ADAMTSL1: variants seen among roughly 807,000 people sequenced by gnomAD.
ADAMTSL1 encodes ADAMTS-like protein 1.
ADAMTSL1 carries 126 observed loss-of-function variants against 201.8 expected under a neutral mutation model. The ratio of observed to expected loss-of-function variants is 0.62; its 90% CI spans 0.54 to 0.72. The LOEUF (loss-of-function observed/expected upper bound fraction) is 0.72. Ranked by LOEUF, ADAMTSL1 falls within the 30% of genes least tolerant of loss-of-function variation. The pLI is 0.00. For missense variants in ADAMTSL1, 2,679 were observed against 2,277.8 expected, an observed-to-expected ratio of 1.18 and a Z score of -3.59; for synonymous variants, 1,121 against 903.4, an observed-to-expected ratio of 1.24 and a Z score of -4.32.
intron 2 of ADAMTSL1, among the ~76,000 whole-genome samples, chr9:18,397,740 AAC>A: frequency 6.6e-6 from 1 of 152,316 alleles, no homozygotes; most frequent in East Asian, 1.9e-4. Context: ...AAATCAATGA[AAC>A]ACACTAATTT....
chr9:18,091,468 T>C (rs1186712541), intron 1 of ADAMTSL1, among the ~76,000 whole-genome samples: 2 of 152,114 alleles, frequency 1.3e-5, no homozygotes, highest in Non-Finnish European at 2.9e-5. Flanking sequence ...TGAATGTGGA[T>C]TTAATTTCCC....
intron 2 of ADAMTSL1, among the ~76,000 whole-genome samples, chr9:18,326,088 A>G (rs975519170): frequency 1.4e-4 from 21 of 152,160 alleles, no homozygotes; most frequent in Admixed American, 5.9e-4. Flanking sequence ...CTCATGGCCT[A>G]ATGACCTTGT....
Position 18,504,836 on chromosome 9 carries a change from G to T in ADAMTSL1, c.71G>T (p.Arg24Met), listed in dbSNP as rs1823032638. ...TTCTTTTGTTTCTCACAGAGTTCCA[G>T]GACCGCACGCTCCGAGGAGGACCGG... Reference protein sequence around the residue: ...LFLAFLLLSSRTARSEEDRDG... With the variant: ...LFLAFLLLSSMTARSEEDRDG... Residue 24 changes from arginine (R) to methionine (M), a missense_variant, in exon 2 of 29, where the codon AGG becomes ATG. Coordinates refer to ENST00000380548, the MANE Select transcript of ADAMTSL1 (RefSeq NM_001040272.6). 1 of 1,614,202 alleles carries T rather than the reference G, an allele frequency of 6.2e-7. No homozygotes were observed. The highest frequency in any genetic ancestry group is 2.2e-5 in the East Asian group (1 of 44,884).
intron 2 of ADAMTSL1, among the ~76,000 whole-genome samples, chr9:18,378,607 C>G (rs1837411878): frequency 6.6e-6 from 1 of 152,168 alleles, no homozygotes; most frequent in South Asian, 2.1e-4. Context: ...ACACCTCACC[C>G]TCTTCAGAAC....
chr9:17,961,457 G>A (rs1271542146), intron 1 of ADAMTSL1, among the ~76,000 whole-genome samples: 1 of 151,938 alleles, frequency 6.6e-6, no homozygotes, highest in African/African-American at 2.4e-5. Flanking sequence ...CTCCATGTTG[G>A]TCAGGCTGGT....
intron 1 of ADAMTSL1, among the ~76,000 whole-genome samples, chr9:17,927,475 A>G (rs1434704850): frequency 6.6e-6 from 1 of 151,458 alleles, no homozygotes; most frequent in Non-Finnish European, 1.5e-5. Context: ...GGAATATTTT[A>G]TATAAATGTA....
Position 18,648,067 on chromosome 9 carries a change from G to T in ADAMTSL1, c.834+8656G>T, listed in dbSNP as rs558627080. On this transcript the variant is annotated intron_variant, in intron 7 of 28. Transcript: ENST00000380548. ...CAGGACTTGCTTTATGAATCTGGGT[G>T]CTCCTGTATTGGGTGCATATATATT... Among the ~76,000 whole-genome samples, 283 of 147,634 alleles carry T rather than the reference G, an allele frequency of 1.9e-3. 3 individuals are homozygous for T. Among genetic ancestry groups the T allele is most frequent in the African/African-American group, 6.6e-3 (266 of 40,486 alleles).
intron 2 of ADAMTSL1, among the ~76,000 whole-genome samples, chr9:18,226,720 A>G (rs188565915): frequency 6.6e-6 from 1 of 152,188 alleles, no homozygotes; most frequent in East Asian, 1.9e-4. Context: ...CCATTTGGTC[A>G]TGGGGCCAGT....
At chr9:18,210,478 TATAA>T (rs1182016035) in intron 2 of ADAMTSL1, among the ~76,000 whole-genome samples, 3 of 147,182 alleles carry the variant, frequency 2.0e-5, no homozygotes, top group East Asian at 3.9e-4. Flanking sequence ...ATATATGATA[TATAA>T]ATAAATATAT....
intron 2 of ADAMTSL1, among the ~76,000 whole-genome samples, chr9:18,236,126 A>C (rs1830838499): frequency 6.6e-6 from 1 of 152,196 alleles, no homozygotes; most frequent in Non-Finnish European, 1.5e-5. Context: ...GCTGGAGTGC[A>C]GTGGCACAAT....
chr9:18,099,757 C>A (rs1824436057), intron 1 of ADAMTSL1, among the ~76,000 whole-genome samples: 1 of 151,304 alleles, frequency 6.6e-6, no homozygotes, highest in East Asian at 1.9e-4. Context: ...CTTGCCTCAG[C>A]CTCCCACTAC....
intron 3 of ADAMTSL1, among the ~76,000 whole-genome samples, chr9:18,565,595 C>T (rs1821838716): frequency 6.6e-6 from 1 of 150,510 alleles, no homozygotes; most frequent in African/African-American, 2.4e-5. Context: ...AGCCTGTTGG[C>T]CTTTTCAAAA....
At chr9:18,831,138 A>G (rs952073239) in intron 23 of ADAMTSL1, among the ~76,000 whole-genome samples, 3 of 152,230 alleles carry the variant, frequency 2.0e-5, no homozygotes, top group African/African-American at 7.2e-5. Context: ...TTATCAGCAT[A>G]TGGAAAAATC....
At position 18,794,142 on chromosome 9, in the gene ADAMTSL1, G is replaced by A. The variant is rs78071144; in HGVS notation, c.3678-1255G>A. 7.2e-3 allele frequency among the ~76,000 whole-genome samples: 1,094 copies of A among 152,222 alleles called. 10 individuals carry two copies. Among genetic ancestry groups the A allele is most frequent in the African/African-American group, 0.025 (1,031 of 41,536 alleles). On this transcript the variant is annotated intron_variant, in intron 19 of 28. Coordinates refer to ENST00000380548, the MANE Select transcript of ADAMTSL1 (RefSeq NM_001040272.6). ...GAACCTACTCTACAGAGAGTCCCCT[G>A]TAGTAGTGGGGAAAATAAAAGCAAT...
intron 2 of ADAMTSL1, among the ~76,000 whole-genome samples, chr9:18,290,787 T>TG (rs67205734): frequency 0.47 from 68,610 of 145,928 alleles, 17,294 homozygotes; most frequent in South Asian, 0.7. Context: ...GTGTGTTTTT[T>TG]TTTTTTTTTT....
intron 23 of ADAMTSL1, among the ~76,000 whole-genome samples, chr9:18,833,667 T>C (rs906640531): frequency 6.6e-6 from 1 of 152,226 alleles, no homozygotes; most frequent in Admixed American, 6.5e-5. Context: ...GTTGATAGTT[T>C]CTTTTGTTGT....
intron 2 of ADAMTSL1, among the ~76,000 whole-genome samples, chr9:18,197,940 CAG>C (rs1292974353): frequency 6.6e-6 from 1 of 152,006 alleles, no homozygotes; most frequent in Non-Finnish European, 1.5e-5. Flanking sequence ...ACAGAGCCCT[CAG>C]AAATAATGCC....
chr9:18,335,700 A>C (rs1835209321), intron 2 of ADAMTSL1, among the ~76,000 whole-genome samples: 1 of 152,142 alleles, frequency 6.6e-6, no homozygotes, highest in Admixed American at 6.6e-5. Context: ...AAAAATGTGA[A>C]CTATCTATTC....
At chr9:18,396,852 C>A (rs1013063994) in intron 2 of ADAMTSL1, among the ~76,000 whole-genome samples, 29 of 152,100 alleles carry the variant, frequency 1.9e-4, no homozygotes, top group Non-Finnish European at 4.4e-5. Context: ...GGCAACAGAA[C>A]AAGACCCTGT....
Sources: allele counts gnomAD v4.1 joint callset (sites outside exome capture counted in the v4.1 genomes callset), GRCh38; gene constraint gnomAD v4.1.1; transcripts MANE v1.5; gene names NCBI Gene and HGNC (gene_info 2026-07-23, HGNC 2026-07-21).